The following DOCK1 variants were observed in gnomAD, a reference collection of about 807,000 sequenced individuals.
DOCK1 encodes the protein dedicator of cytokinesis 1.
Under a neutral mutation model 262.7 loss-of-function variants are expected in DOCK1, and 138 were observed. That is an observed-to-expected ratio of 0.53 (90% CI 0.46 to 0.61). The LOEUF is 0.61. Among genes scored for constraint, DOCK1 ranks in the 20% least tolerant of loss-of-function variants. DOCK1 has a pLI of 0.00. For synonymous variants in DOCK1, 866 were observed against 867.4 expected (o/e 1.00, Z 0.03); for missense variants, 1,908 against 2,370.7 (o/e 0.80, Z 4.05).
At chr10:127,241,040 T>C (rs1399790646) in intron 27 of DOCK1, among the ~76,000 whole-genome samples, 2 of 152,182 alleles carry the variant, frequency 1.3e-5, no homozygotes, top group Non-Finnish European at 2.9e-5. Context: ...TTATAGTTCT[T>C]TGGCTGGGCG....
chr10:127,078,906 C>T (rs1361733662), intron 23 of DOCK1, among the ~76,000 whole-genome samples: 6 of 152,142 alleles, frequency 3.9e-5, no homozygotes, highest in Non-Finnish European at 5.9e-5. Context: ...TTAAAGACAG[C>T]GTGTTGGGAG....
At chr10:127,107,230 ATTT>A (rs2048585351) in intron 24 of DOCK1, among the ~76,000 whole-genome samples, 1 of 152,114 alleles carries the variant, frequency 6.6e-6, no homozygotes, top group Non-Finnish European at 1.5e-5. Context: ...TGAAGACACC[ATTT>A]TTTACCGGCC....
At chr10:126,997,864 A>G (rs1450481705) in intron 7 of DOCK1, 4 of 515,038 alleles carry the variant, frequency 7.8e-6, no homozygotes, top group Non-Finnish European at 1.4e-5. Flanking sequence ...AAAGTTTTGT[A>G]TCTCTGAAAA....
chr10:127,363,619 T>C (rs910557890), intron 33 of DOCK1, among the ~76,000 whole-genome samples: 5 of 152,238 alleles, frequency 3.3e-5, no homozygotes, highest in African/African-American at 1.2e-4. Flanking sequence ...TAGCTTAATG[T>C]TGGTGAGATC....
rs117952634 is a variant in DOCK1 at position 127,216,283 on chromosome 10, G to C, written c.2848-31725G>C. ...TAGCTATCTGTGAGCTTTTCTACCAGTCTTCATGCCAAAGTGATAATTTAG... is the reference window on the plus strand; with the variant it reads ...TAGCTATCTGTGAGCTTTTCTACCACTCTTCATGCCAAAGTGATAATTTAG... On this transcript the variant is annotated intron_variant, in intron 27 of 51. Coordinates refer to ENST00000623213, the MANE Select transcript of DOCK1 (RefSeq NM_001290223.2). 6.8e-3 allele frequency among the ~76,000 whole-genome samples: 1,000 copies of C among 147,150 alleles called. 9 individuals are homozygous for C. The highest frequency in any genetic ancestry group is 0.012 in the Non-Finnish European group (788 of 67,446).
At chr10:127,268,631 A>T (rs1445230192) in intron 29 of DOCK1, among the ~76,000 whole-genome samples, 2 of 151,908 alleles carry the variant, frequency 1.3e-5, no homozygotes, top group Non-Finnish European at 2.9e-5. Context: ...CAGCCAAACC[A>T]GCGCCCTCTA....
At chr10:126,984,767 A>G (rs1272959236) in intron 4 of DOCK1, among the ~76,000 whole-genome samples, 2 of 152,278 alleles carry the variant, frequency 1.3e-5, no homozygotes, top group East Asian at 3.9e-4. Context: ...TGGCTAAATC[A>G]AACTATGTGT....
At chr10:127,379,844 G>T (rs1212804850) in intron 35 of DOCK1, among the ~76,000 whole-genome samples, 1 of 152,102 alleles carries the variant, frequency 6.6e-6, no homozygotes, top group Non-Finnish European at 1.5e-5. Flanking sequence ...GACAGAAGTT[G>T]ATTTTAGTCA....
chr10:126,907,309 G>A (rs2031050696), intron 1 of DOCK1, among the ~76,000 whole-genome samples: 1 of 152,160 alleles, frequency 6.6e-6, no homozygotes, highest in African/African-American at 2.4e-5. Context: ...GGCTGGCAGA[G>A]GAGCAGGCAT....
intron 33 of DOCK1, among the ~76,000 whole-genome samples, chr10:127,366,475 A>G (rs1423608321): frequency 6.6e-6 from 1 of 152,010 alleles, no homozygotes; most frequent in Non-Finnish European, 1.5e-5. Context: ...GTGAAGCTTC[A>G]TCAGTCCTCC....
chr10:127,072,518 T>C (rs2046289660), intron 23 of DOCK1, among the ~76,000 whole-genome samples: 2 of 152,200 alleles, frequency 1.3e-5, no homozygotes, highest in African/African-American at 4.8e-5. Context: ...ACAAGGTATA[T>C]CGGGGCATTG....
At chr10:127,169,643 C>T (rs577886863) in intron 27 of DOCK1, among the ~76,000 whole-genome samples, 1 of 152,286 alleles carries the variant, frequency 6.6e-6, no homozygotes, top group African/African-American at 2.4e-5. Flanking sequence ...GATACAATGG[C>T]AGAGTTGAAT....
At chr10:127,262,226 G>GTA (rs2060196901) in intron 29 of DOCK1, among the ~76,000 whole-genome samples, 1 of 150,980 alleles carries the variant, frequency 6.6e-6, no homozygotes, top group African/African-American at 2.4e-5. Flanking sequence ...GTGTGTGTGT[G>GTA]TGTACCCGTG....
chr10:127,273,416 C>T lies in DOCK1; in HGVS notation c.3044+15987C>T, dbSNP rs149962540. Among the ~76,000 whole-genome samples, 825 of 152,344 alleles carry T rather than the reference C, an allele frequency of 5.4e-3. 12 individuals carry two copies. The highest frequency in any genetic ancestry group is 4.6e-3 in the Non-Finnish European group (316 of 68,034). ...TCAGACTCTGGAAGTTCCCTGCTCCCTGCTAACTCCAAGCTGGCTCCTTGC... is the reference window on the plus strand; with the variant it reads ...TCAGACTCTGGAAGTTCCCTGCTCCTTGCTAACTCCAAGCTGGCTCCTTGC... On this transcript the variant is annotated intron_variant, in intron 29 of 51. Coordinates refer to ENST00000623213, the MANE Select transcript of DOCK1 (RefSeq NM_001290223.2).
chr10:126,950,574 G>C (rs1461593571), intron 1 of DOCK1, among the ~76,000 whole-genome samples: 2 of 152,252 alleles, frequency 1.3e-5, no homozygotes, highest in African/African-American at 2.4e-5. Context: ...TGCAGAGAGA[G>C]GGACTCTGCA....
chr10:127,371,783 A>G (rs1245091226), intron 33 of DOCK1, among the ~76,000 whole-genome samples: 1 of 152,182 alleles, frequency 6.6e-6, no homozygotes, highest in Non-Finnish European at 1.5e-5. Context: ...CACTGCCTTG[A>G]AATGCCAACT....
chr10:127,261,762 C>T lies in DOCK1; in HGVS notation c.3044+4333C>T, dbSNP rs536289334. 4.6e-4 allele frequency among the ~76,000 whole-genome samples: 44 copies of T among 95,300 alleles called. No homozygotes were observed. In the East Asian group the frequency reaches 0.011, roughly 24 times the overall value. The allele number at this position is 95,300 out of a possible 152,430, so 62.5% of individuals were successfully genotyped here. A position where few individuals can be genotyped will look rare whatever the true frequency, so the allele number is the denominator to read the frequency against. On this transcript the variant is annotated intron_variant, in intron 29 of 51. Coordinates refer to ENST00000623213, the MANE Select transcript of DOCK1 (RefSeq NM_001290223.2). ...GTACCCGTGCTCATCTGTGTGTGTG[C>T]ATGTGGGTGTGTGTGTGTGTACCTG...
At chr10:127,225,816 C>T (rs866629051) in intron 27 of DOCK1, among the ~76,000 whole-genome samples, 2 of 152,134 alleles carry the variant, frequency 1.3e-5, no homozygotes, top group Admixed American at 6.5e-5. Context: ...TGGTGGCTCA[C>T]GCCTGTAACC....
intron 2 of DOCK1, among the ~76,000 whole-genome samples, chr10:126,974,010 C>T (rs1342192649): frequency 6.6e-6 from 1 of 152,164 alleles, no homozygotes; most frequent in Non-Finnish European, 1.5e-5. Context: ...ATTTCTCTTT[C>T]TTGAGCTCAC....
Sources: allele counts gnomAD v4.1 joint callset (sites outside exome capture counted in the v4.1 genomes callset), GRCh38; gene constraint gnomAD v4.1.1; transcripts MANE v1.5; gene names NCBI Gene and HGNC (gene_info 2026-07-23, HGNC 2026-07-21).